Variants in TOR1AIP2 observed in about 807,000 individuals in gnomAD.
TOR1AIP2 encodes torsin 1A interacting protein 2.
TOR1AIP2 carries 20 observed loss-of-function variants against 32.6 expected under a neutral mutation model. The ratio of observed to expected loss-of-function variants is 0.61; its 90% CI spans 0.43 to 0.89. The LOEUF (loss-of-function observed/expected upper bound fraction) is 0.89. Among genes scored for constraint, TOR1AIP2 ranks in the 40% least tolerant of loss-of-function variants. The pLI is 0.00. For synonymous variants in TOR1AIP2, 214 were observed against 210.8 expected (o/e 1.02, Z -0.13); for missense variants, 456 against 553.8 (o/e 0.82, Z 1.77).
chr1:179,851,362 G>A lies in TOR1AIP2; in HGVS notation c.36C>T (p.Asp12=). 1 of 1,525,532 alleles carries A rather than the reference G, an allele frequency of 6.6e-7. No individual in the cohort carries two copies. The highest frequency in any genetic ancestry group is 8.7e-7 in the Non-Finnish European group (1 of 1,146,640). The allele number at this position is 1,525,532 out of a possible 1,614,324, so 94.5% of individuals were successfully genotyped here. The change falls in exon 5 of 7, where the codon GAC becomes GAT. Residue 12 remains aspartate (D), a splice_region_variant and synonymous_variant. Coordinates refer to ENST00000609928, the MANE Select transcript of TOR1AIP2 (RefSeq NM_001199260.2). The part of the protein sequence containing the change: ...ADSGLREPQE[D]SQKDLENDPS... The stretch of plus-strand genomic sequence containing the variant: ...GATCATTTTCCAAATCCTTTTGAGA[G>A]TCTATTGAGATAAAAGTTTATAATT...
In TOR1AIP2 at chr1:179,864,561, T is replaced by C. The variant is rs1696688858; in HGVS notation, c.-147+875A>G. 9.3e-6 allele frequency: 12 copies of C among 1,293,002 alleles called. 1 individual carries two copies. The South Asian group carries it at 2.6e-4, about 28-fold the overall frequency. The allele number at this position is 1,293,002 out of a possible 1,614,324, so 80.1% of individuals were successfully genotyped here. The stretch of plus-strand genomic sequence containing the variant: ...AAATACGGATTAGCCTCAGTCTAGA[T>C]GAACAGATTAGCCTCAGTCTAGATG... On this transcript the variant is annotated intron_variant, in intron 3 of 6. Transcript: ENST00000609928.
At chr1:179,875,713 C>CAAAAAAA (rs59140614) in intron 2 of TOR1AIP2, 1 of 137,256 alleles carries the variant, frequency 7.3e-6, no homozygotes. Flanking sequence ...GCCATGGCAC[C>CAAAAAAA]AAAAAAAAAA....
At chr1:179,865,312 C>T (rs1696724584) in intron 3 of TOR1AIP2, 124 bp downstream of exon 3, 2 of 1,197,268 alleles carry the variant, frequency 1.7e-6, no homozygotes, top group Non-Finnish European at 2.3e-6. Context: ...TTTGGAGAGC[C>T]AAATAAACTT....
Position 179,863,898 on chromosome 1 carries a change from A to G in TOR1AIP2, c.-147+1538T>C, listed in dbSNP as rs778921558. 8.1e-6 allele frequency: 8 copies of G among 985,290 alleles called. No homozygotes were observed. The Admixed American group carries it at 2.5e-4, about 30-fold the overall frequency. 61.0% of individuals were successfully genotyped at this position (985,290 alleles called of 1,614,324 possible). A position where few individuals can be genotyped will look rare whatever the true frequency, so the allele number is the denominator to read the frequency against. On this transcript the variant is annotated intron_variant, in intron 3 of 6. Transcript: ENST00000609928. ...GTCCATGATTTTCATGAAAGTCCAG[A>G]ATGTGGCCAATGTTCAGCAGACCTC... is the stretch of plus-strand genomic sequence containing the variant.
In TOR1AIP2 at chr1:179,861,039, G is replaced by T. The variant is rs1696510741; in HGVS notation, c.-147+4397C>A. 3.0e-6 allele frequency: 3 copies of T among 985,224 alleles called. No homozygotes were observed. In the Admixed American group the frequency reaches 1.8e-4, roughly 61 times the overall value. The allele number at this position is 985,224 out of a possible 1,614,324, so 61.0% of individuals were successfully genotyped here. A position where few individuals can be genotyped will look rare whatever the true frequency, so the allele number is the denominator to read the frequency against. ...CTTTGGTGGATGTATTTTCTTTCCG[G>T]TCTGCCCTTGCATGTTTCCATTAAC... On this transcript the variant is annotated intron_variant, in intron 3 of 6. Transcript: ENST00000609928.
intron 2 of TOR1AIP2, among the ~76,000 whole-genome samples, chr1:179,870,172 G>A (rs1351132054): frequency 6.6e-6 from 1 of 152,148 alleles, no homozygotes; most frequent in Non-Finnish European, 1.5e-5. Flanking sequence ...CAAGGCGGGT[G>A]GATCACGAGG....
At chr1:179,867,322 G>A (rs1251477462) in intron 2 of TOR1AIP2, among the ~76,000 whole-genome samples, 1 of 152,126 alleles carries the variant, frequency 6.6e-6, no homozygotes, top group Non-Finnish European at 1.5e-5. Flanking sequence ...AGTTCCTCAG[G>A]CAGAGTGGAC....
intron 2 of TOR1AIP2, among the ~76,000 whole-genome samples, chr1:179,872,568 C>T (rs1013288715): frequency 9.9e-5 from 15 of 152,188 alleles, no homozygotes; most frequent in Admixed American, 7.9e-4. Flanking sequence ...GTACTAGCCT[C>T]GGAACAAAAA....
Position 179,842,419 on chromosome 1 carries a change from A to G in TOR1AIP2, c.*3652T>C, listed in dbSNP as rs981746304. 3 of 152,238 alleles carry G rather than the reference A, an allele frequency of 2.0e-5. No individual in the cohort carries two copies. Among genetic ancestry groups the G allele is most frequent in the Non-Finnish European group, 4.4e-5 (3 of 68,040 alleles). The allele number at this position is 152,238 out of a possible 1,614,324, so 9.4% of individuals were successfully genotyped here. On this transcript the variant is annotated 3_prime_UTR_variant, in exon 7 of 7. Transcript: ENST00000609928. ...AAATTAGCATTACTATTTTAGTGAT[A>G]TGAACACCTTTAGTGATATGAACTT... is the stretch of plus-strand genomic sequence containing the variant.
In TOR1AIP2 at chr1:179,850,955, C is replaced by G; in HGVS notation, c.443G>C (p.Gly148Ala). The G allele has an allele frequency of 3.7e-6, 6 of 1,614,180 alleles. No individual in the cohort carries two copies. Among genetic ancestry groups the G allele is most frequent in the Non-Finnish European group, 3.4e-6 (4 of 1,180,020 alleles). The change falls in exon 5 of 7, where the codon GGA (glycine) becomes GCA (alanine). Residue 148 changes from glycine to alanine, a missense_variant. By Grantham distance (60) the Gly-to-Ala change is moderately conservative (BLOSUM62 0). Coordinates refer to ENST00000609928, the MANE Select transcript of TOR1AIP2 (RefSeq NM_001199260.2). Reference protein sequence around the residue: ...ALPKEASDGTGASQEPPTTDS... With the variant: ...ALPKEASDGTAASQEPPTTDS... ...TGTAGTAGGTGGTTCCTGAGATGCT[C>G]CAGTTCCGTCACTCGCTTCCTTAGG...
intron 3 of TOR1AIP2, chr1:179,862,553 CAAAT>C (rs1696584337): frequency 2.0e-6 from 2 of 985,454 alleles, no homozygotes; most frequent in Non-Finnish European, 2.4e-6. Context: ...TACAGACTAA[CAAAT>C]AACTTCAGGT....
In TOR1AIP2 at chr1:179,846,701, T is replaced by C; in HGVS notation, c.783A>G (p.Gln261=). The C allele has an allele frequency of 2.5e-6, 4 of 1,614,178 alleles. No homozygotes were observed. The highest frequency in any genetic ancestry group is 2.2e-5 in the South Asian group (2 of 91,086). Residue 261 remains glutamine (Q), a synonymous_variant, in exon 7 of 7, where the codon CAA becomes CAG. Transcript: ENST00000609928. Reference sequence around the variant, plus strand: ...TCTGGCCTGGAAATTTATCTTCCAATTGGCTAAACTGGGCCAAAAAGGCCT... The same window carrying C: ...TCTGGCCTGGAAATTTATCTTCCAACTGGCTAAACTGGGCCAAAAAGGCCT... The part of the protein sequence containing the change: ...ALEAFLAQFS[Q]LEDKFPGQSS...
At chr1:179,853,245 A>G (rs1696180292) in intron 3 of TOR1AIP2, among the ~76,000 whole-genome samples, 1 of 152,244 alleles carries the variant, frequency 6.6e-6, no homozygotes, top group South Asian at 2.1e-4. Flanking sequence ...ATTAAAAAGT[A>G]ACAATGCACA....
intron 2 of TOR1AIP2, among the ~76,000 whole-genome samples, chr1:179,869,352 G>A (rs1171275083): frequency 6.6e-6 from 1 of 152,106 alleles, no homozygotes; most frequent in African/African-American, 2.4e-5. Flanking sequence ...ATGGGAGAGG[G>A]AAGGGTGGGG....
In TOR1AIP2 at chr1:179,863,692, A is replaced by C. The variant is rs563539568; in HGVS notation, c.-147+1744T>G. The C allele has an allele frequency of 1.2e-4, 120 of 984,540 alleles. 1 individual carries two copies. In the African/African-American group the frequency reaches 2.0e-3, roughly 16 times the overall value. 61.0% of individuals were successfully genotyped at this position (984,540 alleles called of 1,614,324 possible). ...TTTTAAAAAGCAAAAAAAAAAAAAA[A>C]AAAAAAGAGGATCGCAAGGGGGAAG... On this transcript the variant is annotated intron_variant, in intron 3 of 6. Transcript: ENST00000609928.
Position 179,845,056 on chromosome 1 carries a change from A to C in TOR1AIP2, c.*1015T>G, listed in dbSNP as rs1695848302. ...TATACATTCTGCTGTTCATGTATAG[A>C]TCTTTATCCTTCATAAATAATGTAT... On this transcript the variant is annotated 3_prime_UTR_variant, in exon 7 of 7. Transcript: ENST00000609928. 1 of 152,190 alleles carries C rather than the reference A, an allele frequency of 6.6e-6. No homozygotes were observed. The highest frequency in any genetic ancestry group is 2.1e-4 in the South Asian group (1 of 4,828). The allele number at this position is 152,190 out of a possible 1,614,324, so 9.4% of individuals were successfully genotyped here. A position where few individuals can be genotyped will look rare whatever the true frequency, so the allele number is the denominator to read the frequency against.
chr1:179,862,507 G>GC (rs1315659887), intron 3 of TOR1AIP2: 1 of 985,278 alleles, frequency 1.0e-6, no homozygotes, highest in Non-Finnish European at 1.2e-6. Flanking sequence ...GAGACATAAG[G>GC]CAGATACAGG....
At chr1:179,851,710 A>G (rs982666947) in intron 4 of TOR1AIP2, among the ~76,000 whole-genome samples, 4 of 152,218 alleles carry the variant, frequency 2.6e-5, no homozygotes, top group African/African-American at 9.6e-5. Context: ...TGGATGAGCC[A>G]GACTGACAAC....
At position 179,846,574 on chromosome 1, in the gene TOR1AIP2, C is replaced by T. The variant is rs1695913779; in HGVS notation, c.910G>A (p.Gly304Arg). The T allele has an allele frequency of 1.2e-6, 2 of 1,614,028 alleles. No homozygotes were observed. The highest frequency in any genetic ancestry group is 2.7e-5 in the African/African-American group (2 of 74,902). Residue 304 changes from glycine to arginine, a missense_variant, in exon 7 of 7, where the codon GGA (glycine) becomes AGA (arginine). By Grantham distance (125) the Gly-to-Arg change is moderately radical (BLOSUM62 -2). Transcript: ENST00000609928. ...CTCAGGCACTTCAGGGTCTCTCTTC[C>T]CTCCCGAGCTGCTGTAAATATGATG... ...ATIIFTAARE[G>R]RETLKCLSHH...
Sources: gnomAD v4.1 joint callset for allele counts (sites outside exome capture counted in the v4.1 genomes callset) on GRCh38, gnomAD v4.1.1 for gene constraint, MANE v1.5 for transcripts, NCBI Gene and HGNC (gene_info 2026-07-23, HGNC 2026-07-21) for gene names.